ZNF837: variants seen among roughly 807,000 people sequenced by gnomAD.
The protein encoded by ZNF837 is zinc finger protein 837.
For synonymous variants in ZNF837, 475 were observed against 365.2 expected, an observed-to-expected ratio of 1.30 and a Z score of -3.43; for missense variants, 955 against 801.7, an observed-to-expected ratio of 1.19 and a Z score of -2.31.
intron 2 of ZNF837, 128 bp downstream of exon 2, chr19:58,369,691 T>C (rs2052182413): frequency 5.1e-6 from 1 of 196,482 alleles, no homozygotes; most frequent in African/African-American, 2.3e-5. Context: ...GTTGCTCAGC[T>C]GCCAGCTCCC....
In ZNF837 at chr19:58,368,879, T is replaced by C; in HGVS notation, c.454A>G (p.Ile152Val). 6.5e-7 allele frequency: 1 copy of C among 1,547,814 alleles called. No individual in the cohort carries two copies. The highest frequency in any genetic ancestry group is 2.4e-5 in the East Asian group (1 of 40,858). The change falls in exon 3 of 3, where the codon ATC becomes GTC. Residue 152 changes from isoleucine to valine, a missense_variant. By Grantham distance (29) the Ile-to-Val change is conservative (BLOSUM62 3). Transcript: ENST00000597582. The stretch of plus-strand genomic sequence containing the variant: ...AGTTGAGTCCGGGGGTGGTTCTGGA[T>C]CCGCTCCGGACAGGGGTCACACACG... Reference protein sequence around the residue: ...PPVCDPCPERIQNHPRTQLCE... With the variant: ...PPVCDPCPERVQNHPRTQLCE...
intron 1 of ZNF837, among the ~76,000 whole-genome samples, chr19:58,373,357 G>A (rs1285720901): frequency 6.6e-6 from 1 of 152,220 alleles, no homozygotes; most frequent in Non-Finnish European, 1.5e-5. Context: ...AGGCATGCTT[G>A]GAAGTAAGGA....
intron 1 of ZNF837, among the ~76,000 whole-genome samples, chr19:58,373,184 C>G (rs1466261355): frequency 6.6e-6 from 1 of 152,260 alleles, no homozygotes; most frequent in Non-Finnish European, 1.5e-5. Context: ...GAGCCAGATG[C>G]AGACTCCCAA....
Position 58,368,016 on chromosome 19 carries a change from G to C in ZNF837, c.1317C>G (p.Arg439=). The C allele has an allele frequency of 2.0e-6, 3 of 1,534,220 alleles. No homozygotes were observed. The South Asian group carries it at 3.6e-5, about 18-fold the overall frequency. The change falls in exon 3 of 3, where the codon CGC becomes CGG. Residue 439 remains arginine (R), a synonymous_variant. Transcript: ENST00000597582. ...KGRSGLVQHQ[R]AHTGERPYGC... is the part of the protein sequence containing the mutation. ...CATAGGGCCGCTCGCCGGTGTGCGC[G>C]CGCTGGTGTTGCACCAGGCCCGAGC...
chr19:58,368,127 C>A lies in ZNF837; in HGVS notation c.1206G>T (p.Gln402His). 2 of 1,574,314 alleles carry A rather than the reference C, an allele frequency of 1.3e-6. No homozygotes were observed. The highest frequency in any genetic ancestry group is 1.7e-6 in the Non-Finnish European group (2 of 1,163,716). Residue 402 changes from glutamine (Q) to histidine (H), a missense_variant, in exon 3 of 3, where the codon CAG (glutamine) becomes CAT (histidine). Coordinates refer to ENST00000597582, the MANE Select transcript of ZNF837 (RefSeq NM_138466.2). ...ACPECGKAFN[Q>H]RSNLSRHQRT... ...GCTGGTGCCGGCTCAGGTTCGAGCG[C>A]TGGTTGAAGGCCTTGCCGCACTCGG...
chr19:58,373,895 G>A (rs1402877277), intron 1 of ZNF837, among the ~76,000 whole-genome samples: 1 of 152,222 alleles, frequency 6.6e-6, no homozygotes, highest in Admixed American at 6.5e-5. Context: ...GCTGGAGGGG[G>A]CGGGACAAGA....
rs1202744628 is a variant in ZNF837, at chr19:58,368,270, C to A, written c.1063G>T (p.Gly355Trp). 1 of 1,482,180 alleles carries A rather than the reference C, an allele frequency of 6.7e-7. No homozygotes were observed. Among genetic ancestry groups the A allele is most frequent in the South Asian group, 1.3e-5 (1 of 75,122 alleles). The allele number at this position is 1,482,180 out of a possible 1,614,324, so 91.8% of individuals were successfully genotyped here. The change falls in exon 3 of 3, where the codon GGG (glycine) becomes TGG (tryptophan). Residue 355 changes from glycine to tryptophan, a missense_variant. Transcript: ENST00000597582. ...GDYSERSPRR[G>W]SGAGEKPYEC... ...TACGGCTTCTCCCCGGCTCCCGACC[C>A]CCGTCGGGGACTCCGCTCGCTGTAG...
At position 58,367,953 on chromosome 19, in the gene ZNF837, G is replaced by A. The variant is rs910508789; in HGVS notation, c.1380C>T (p.Ser460=). The change falls in exon 3 of 3, where the codon TCC becomes TCT. Residue 460 remains serine, a synonymous_variant. Coordinates refer to ENST00000597582, the MANE Select transcript of ZNF837 (RefSeq NM_138466.2). ...GCAGGCGCTCGTGCTGGCGCAGCTC[G>A]GAGCAGCCGCGGAAGGTCTTTCCGC... ...SECGKTFRGC[S]ELRQHERLHS... 1 of 1,533,078 alleles carries A rather than the reference G, an allele frequency of 6.5e-7. No individual in the cohort carries two copies. The highest frequency in any genetic ancestry group is 8.7e-7 in the Non-Finnish European group (1 of 1,144,072). 95.0% of individuals were successfully genotyped at this position (1,533,078 alleles called of 1,614,324 possible).
chr19:58,368,313 C>A lies in ZNF837; in HGVS notation c.1020G>T (p.Gly340=), dbSNP rs1380217791. The A allele has an allele frequency of 6.0e-6, 9 of 1,488,846 alleles. No homozygotes were observed. The Admixed American group carries it at 1.7e-4, about 28-fold the overall frequency. The allele number at this position is 1,488,846 out of a possible 1,614,324, so 92.2% of individuals were successfully genotyped here. The part of the protein sequence containing the change: ...PVLARRAFRL[G]CPPCGDYSER... Reference sequence around the variant, plus strand: ...CGCTGTAGTCCCCGCAGGGCGGGCACCCCAGCCGGAAGGCGCGCCGCGCCA... The same window carrying A: ...CGCTGTAGTCCCCGCAGGGCGGGCAACCCAGCCGGAAGGCGCGCCGCGCCA... The change falls in exon 3 of 3, where the codon GGG becomes GGT. Residue 340 remains glycine (G), a synonymous_variant. Coordinates refer to ENST00000597582, the MANE Select transcript of ZNF837 (RefSeq NM_138466.2).
At chr19:58,379,048 T>C (rs946709128) in intron 1 of ZNF837, among the ~76,000 whole-genome samples, 3 of 152,228 alleles carry the variant, frequency 2.0e-5, no homozygotes, top group African/African-American at 7.2e-5. Context: ...TAGTGTGTTA[T>C]AGCAGCCACA....
chr19:58,375,301 TATATATATATAA>T (rs201654937), intron 1 of ZNF837, among the ~76,000 whole-genome samples: 10,875 of 89,004 alleles, frequency 0.12, 1,308 homozygotes, highest in East Asian at 0.36. Flanking sequence ...TATATATATA[TATATATATATAA>T]AATTACATAT....
rs2052174070 is a variant in ZNF837 at position 58,369,024 on chromosome 19, A to G, written c.309T>C (p.Val103=). 6.6e-7 allele frequency: 1 copy of G among 1,514,358 alleles called. No homozygotes were observed. The highest frequency in any genetic ancestry group is 2.2e-5 in the Admixed American group (1 of 46,434). 93.8% of individuals were successfully genotyped at this position (1,514,358 alleles called of 1,614,324 possible). The part of the protein sequence containing the change: ...GPTSSQNPEL[V]IPEGLQAREG... Reference sequence around the variant, plus strand: ...CCCGGGCTTGCAGCCCCTCGGGGATAACCAGCTCAGGGTTCTGAGAAGAGG... The same window carrying G: ...CCCGGGCTTGCAGCCCCTCGGGGATGACCAGCTCAGGGTTCTGAGAAGAGG... Residue 103 remains valine, a synonymous_variant, in exon 3 of 3, where the codon GTT becomes GTC. Coordinates refer to ENST00000597582, the MANE Select transcript of ZNF837 (RefSeq NM_138466.2).
In ZNF837 at chr19:58,368,766, C is replaced by T. The variant is rs1599922358; in HGVS notation, c.567G>A (p.Gly189=). 1 of 1,541,888 alleles carries T rather than the reference C, an allele frequency of 6.5e-7. No individual in the cohort carries two copies. Among genetic ancestry groups the T allele is most frequent in the South Asian group, 1.2e-5 (1 of 84,026 alleles). ...GGGGCTGCTCCACCAAGGGGTTCCT[C>T]CCGCGGGAGGTCGGCTTTGGGGTCC... The part of the protein sequence containing the change: ...CPRTPKPTSR[G]RNPLVEQPRA... The change falls in exon 3 of 3, where the codon GGG becomes GGA. Residue 189 remains glycine (G), a synonymous_variant. Transcript: ENST00000597582.
chr19:58,373,231 G>A (rs567684681), intron 1 of ZNF837, among the ~76,000 whole-genome samples: 20 of 152,198 alleles, frequency 1.3e-4, no homozygotes, highest in Non-Finnish European at 2.4e-4. Flanking sequence ...TCCCTCAAGA[G>A]TGGCACTAAT....
chr19:58,374,811 G>A (rs940408884), intron 1 of ZNF837, among the ~76,000 whole-genome samples: 1 of 151,830 alleles, frequency 6.6e-6, no homozygotes, highest in African/African-American at 2.4e-5. Flanking sequence ...GCACATTCCT[G>A]TAGTCCCAGC....
rs1191400568 is a variant in ZNF837 at position 58,368,072 on chromosome 19, A to G, written c.1261T>C (p.Cys421Arg). The change falls in exon 3 of 3, where the codon TGC becomes CGC. Residue 421 changes from cysteine (C) to arginine (R), a missense_variant. Coordinates refer to ENST00000597582, the MANE Select transcript of ZNF837 (RefSeq NM_138466.2). Reference protein sequence around the residue: ...RTHSSAKPYACPLCEKAFKGR... With the variant: ...RTHSSAKPYARPLCEKAFKGR... ...TTGAAGGCCTTTTCGCACAGTGGGC[A>G]CGCGTAGGGCTTGGCGCTGCTGTGA... is the stretch of plus-strand genomic sequence containing the variant. The G allele has an allele frequency of 6.5e-7, 1 of 1,546,740 alleles. No homozygotes were observed.
chr19:58,371,860 T>A (rs1025214059), intron 1 of ZNF837, among the ~76,000 whole-genome samples: 1 of 151,388 alleles, frequency 6.6e-6, no homozygotes, highest in Non-Finnish European at 1.5e-5. Flanking sequence ...TAGCTGGGAT[T>A]ACAGGTGCCT....
intron 1 of ZNF837, among the ~76,000 whole-genome samples, chr19:58,372,436 G>GT (rs1029468749): frequency 3.9e-5 from 6 of 151,904 alleles, no homozygotes; most frequent in African/African-American, 9.7e-5. Context: ...GGGAGTCCGG[G>GT]GGGGGCGGAT....
Position 58,368,874 on chromosome 19 carries a change from C to T in ZNF837, c.459G>A (p.Gln153=). ...PVCDPCPERI[Q]NHPRTQLCEV... is the part of the protein sequence containing the mutation. ...CACACAGTTGAGTCCGGGGGTGGTT[C>T]TGGATCCGCTCCGGACAGGGGTCAC... The change falls in exon 3 of 3, where the codon CAG becomes CAA. Residue 153 remains glutamine (Q), a synonymous_variant. Transcript: ENST00000597582. The T allele has an allele frequency of 6.5e-7, 1 of 1,547,776 alleles. No homozygotes were observed. The highest frequency in any genetic ancestry group is 8.7e-7 in the Non-Finnish European group (1 of 1,146,700).
Sources: allele counts gnomAD v4.1 joint callset (sites outside exome capture counted in the v4.1 genomes callset), GRCh38; gene constraint gnomAD v4.1.1; transcripts MANE v1.5; gene names NCBI Gene and HGNC (gene_info 2026-07-23, HGNC 2026-07-21).